The following GNB5 variants were observed in gnomAD, a reference collection of about 807,000 sequenced individuals.
The protein encoded by GNB5 is guanine nucleotide-binding protein subunit beta-5.
In GNB5, 37 loss-of-function variants were observed where a neutral mutation model predicts 55.3. The observed-to-expected ratio is 0.67, with a 90% CI of 0.51 to 0.88. GNB5 has a LOEUF of 0.88. Ranked by LOEUF, GNB5 falls within the 40% of genes least tolerant of loss-of-function variation. The pLI is 0.00. For missense variants in GNB5, 476 were observed against 515.3 expected (o/e 0.92, Z 0.74); for synonymous variants, 219 against 198.5 (o/e 1.10, Z -0.87).
At chr15:52,157,449 T>C (rs1596085352) in intron 3 of GNB5, among the ~76,000 whole-genome samples, 1 of 151,980 alleles carries the variant, frequency 6.6e-6, no homozygotes, top group African/African-American at 2.4e-5. Context: ...TTTCACCATG[T>C]TGGCCAGGAT....
At chr15:52,178,442 T>A (rs898907586) in intron 3 of GNB5, among the ~76,000 whole-genome samples, 2 of 152,144 alleles carry the variant, frequency 1.3e-5, no homozygotes, top group Non-Finnish European at 2.9e-5. Flanking sequence ...AGAAGTGATG[T>A]TTGGAGCTGT....
rs139634938 is a variant in GNB5 at position 52,135,621 on chromosome 15, C to G, written c.763G>C (p.Val255Leu). 7 of 1,613,638 alleles carry G rather than the reference C, an allele frequency of 4.3e-6. No individual in the cohort carries two copies. The highest frequency in any genetic ancestry group is 5.9e-6 in the Non-Finnish European group (7 of 1,179,826). Residue 255 changes from valine (V) to leucine (L), a missense_variant, in exon 8 of 13, where the codon GTG (valine) becomes CTG (leucine). Coordinates refer to ENST00000261837, the MANE Select transcript of GNB5 (RefSeq NM_016194.4). ...TTCCACTGGGTCTTTACCCCAGACA[C>G]GAAGGTGTTTCCAGTTTCTGAGGGG... ...LAPSETGNTF[V>L]SGGCDKKAMV... is the part of the protein sequence containing the mutation.
chr15:52,129,192 G>A lies in GNB5; in HGVS notation c.864-948C>T, dbSNP rs55783485. ...GCTAGTCTTGAACTCCTGACCTCAA[G>A]TGATCCACCTTCCTAGGCCTCCCAA... is the stretch of plus-strand genomic sequence containing the variant. On this transcript the variant is annotated intron_variant, in intron 9 of 12. Transcript: ENST00000261837. 2.0e-4 allele frequency among the ~76,000 whole-genome samples: 30 copies of A among 152,106 alleles called. 1 individual carries two copies. The highest frequency in any genetic ancestry group is 6.8e-4 in the African/African-American group (28 of 41,398).
chr15:52,164,303 T>C (rs1467865543), intron 3 of GNB5, among the ~76,000 whole-genome samples: 2 of 68,914 alleles, frequency 2.9e-5, no homozygotes, highest in Middle Eastern at 0.012. Flanking sequence ...AGCAAGACTC[T>C]GTCTTAAAAA....
intron 3 of GNB5, among the ~76,000 whole-genome samples, chr15:52,171,037 T>C (rs892586039): frequency 3.5e-5 from 5 of 141,872 alleles, no homozygotes; most frequent in Non-Finnish European, 7.5e-5. Flanking sequence ...GAGGTTGCAG[T>C]GAGCCATGAT....
At position 52,149,868 on chromosome 15, in the gene GNB5, G is replaced by C. The variant is rs781467487; in HGVS notation, c.417+16C>G. 1.1e-5 allele frequency: 17 copies of C among 1,595,534 alleles called. No homozygotes were observed. Among genetic ancestry groups the C allele is most frequent in the Admixed American group, 1.0e-4 (6 of 59,978 alleles). ...ATTCTGAAGCCTCTATAACGTGGCTGGGAACAATGCCTCACCTTGTTTGTG... is the reference window on the plus strand; with the variant it reads ...ATTCTGAAGCCTCTATAACGTGGCTCGGAACAATGCCTCACCTTGTTTGTG... On this transcript the variant is annotated intron_variant, in intron 5 of 12. Transcript: ENST00000261837.
intron 7 of GNB5, among the ~76,000 whole-genome samples, chr15:52,136,258 T>C (rs1360604879): frequency 6.6e-6 from 1 of 151,698 alleles, no homozygotes; most frequent in African/African-American, 2.4e-5. Flanking sequence ...CTCACAGTCC[T>C]TGAGTTGTGT....
intron 3 of GNB5, among the ~76,000 whole-genome samples, chr15:52,175,547 C>T (rs916736168): frequency 1.3e-5 from 2 of 151,292 alleles, no homozygotes; most frequent in Non-Finnish European, 2.9e-5. Context: ...AAGAACAGCC[C>T]GTCCAACATG....
chr15:52,141,637 C>T (rs2033856841), intron 6 of GNB5, among the ~76,000 whole-genome samples: 1 of 152,052 alleles, frequency 6.6e-6, no homozygotes, highest in South Asian at 2.1e-4. Flanking sequence ...TACTGAACAC[C>T]CAGATCCCTT....
At position 52,122,573 on chromosome 15, in the gene GNB5, A is replaced by G; in HGVS notation, c.*184T>C. On this transcript the variant is annotated 3_prime_UTR_variant, in exon 13 of 13. Transcript: ENST00000261837. ...TATTCTCGCAGTGCTGAAGGCTCAC[A>G]CTAGTGTATTTCCAGAGGTGACAGT... 1.6e-6 allele frequency: 1 copy of G among 615,338 alleles called. No homozygotes were observed. Among genetic ancestry groups the G allele is most frequent in the South Asian group, 2.0e-5 (1 of 50,200 alleles). 38.1% of individuals were successfully genotyped at this position (615,338 alleles called of 1,614,324 possible).
rs1341100858 is a variant in GNB5, at chr15:52,117,114, T to TTTTTTTTTTTTTTTTTTTTGG, written c.*5642_*5643insCCAAAAAAAAAAAAAAAAAAA. On this transcript the variant is annotated 3_prime_UTR_variant, in exon 13 of 13. Transcript: ENST00000261837. The stretch of plus-strand genomic sequence containing the variant: ...AATATATATATATATTTTTTTTTAG[T>TTTTTTTTTTTTTTTTTTTTGG]ACAGACAGGGTTTCACCGTGTTAGC... 5 of 85,598 alleles carry TTTTTTTTTTTTTTTTTTTTGG rather than the reference T, an allele frequency of 5.8e-5. No individual in the cohort carries two copies. The highest frequency in any genetic ancestry group is 2.7e-4 in the African/African-American group (5 of 18,754). 5.3% of individuals were successfully genotyped at this position (85,598 alleles called of 1,614,324 possible).
intron 7 of GNB5, among the ~76,000 whole-genome samples, chr15:52,136,611 C>G (rs942588077): frequency 1.3e-5 from 2 of 152,126 alleles, no homozygotes; most frequent in African/African-American, 4.8e-5. Flanking sequence ...GCTGCTTTTC[C>G]CGAGCACAGT....
chr15:52,137,185 A>G, intron 7 of GNB5: 8 of 1,097,358 alleles, frequency 7.3e-6, no homozygotes, highest in Non-Finnish European at 9.2e-6. Context: ...GTGGCAGGTC[A>G]GATAACCTTA....
chr15:52,145,452 CA>C (rs907492096), intron 6 of GNB5, among the ~76,000 whole-genome samples: 4 of 150,690 alleles, frequency 2.7e-5, no homozygotes, highest in Admixed American at 6.7e-5. Context: ...CCACCCTGGC[CA>C]ACATGGTAAA....
chr15:52,117,102 A>ATATATATATATATATATATTTTTTTTTT lies in GNB5; in HGVS notation c.*5654_*5655insAAAAAAAAAATATATATATATATATATA. 1.1e-5 allele frequency: 1 copy of ATATATATATATATATATATTTTTTTTTT among 87,096 alleles called. No individual in the cohort carries two copies. Among genetic ancestry groups the ATATATATATATATATATATTTTTTTTTT allele is most frequent in the African/African-American group, 6.1e-5 (1 of 16,414 alleles). The allele number at this position is 87,096 out of a possible 1,614,324, so 5.4% of individuals were successfully genotyped here. The stretch of plus-strand genomic sequence containing the variant: ...CCACGCCCAGCTAATATATATATAT[A>ATATATATATATATATATATTTTTTTTTT]TTTTTTTTTAGTACAGACAGGGTTT... On this transcript the variant is annotated 3_prime_UTR_variant, in exon 13 of 13. Coordinates refer to ENST00000261837, the MANE Select transcript of GNB5 (RefSeq NM_016194.4).
At chr15:52,141,368 T>C (rs1375309896) in intron 6 of GNB5, 96 bp from the exon 7 acceptor site, 2 of 1,023,298 alleles carry the variant, frequency 2.0e-6, no homozygotes, top group Non-Finnish European at 1.5e-6. Flanking sequence ...ATATTCTCTT[T>C]AGCAGTATCA....
At chr15:52,127,568 T>C (rs938080489) in intron 10 of GNB5, among the ~76,000 whole-genome samples, 4 of 152,144 alleles carry the variant, frequency 2.6e-5, no homozygotes, top group African/African-American at 7.2e-5. Flanking sequence ...AAATTTTCAT[T>C]ATTTCAAAAC....
intron 2 of GNB5, among the ~76,000 whole-genome samples, chr15:52,184,139 A>AAT (rs1374366983): frequency 6.6e-6 from 1 of 152,266 alleles, no homozygotes; most frequent in African/African-American, 2.4e-5. Flanking sequence ...TAGAAGTCAG[A>AAT]AGAAAAAAGT....
chr15:52,138,232 A>T (rs1222123671), intron 7 of GNB5, among the ~76,000 whole-genome samples: 1 of 151,914 alleles, frequency 6.6e-6, no homozygotes, highest in Non-Finnish European at 1.5e-5. Flanking sequence ...AAAATACAAA[A>T]ATTAGCCAGT....
Sources: gnomAD v4.1 joint callset for allele counts (sites outside exome capture counted in the v4.1 genomes callset) on GRCh38, gnomAD v4.1.1 for gene constraint, MANE v1.5 for transcripts, NCBI Gene and HGNC (gene_info 2026-07-23, HGNC 2026-07-21) for gene names.